TMC1: variants seen among roughly 807,000 people sequenced by gnomAD.
The protein encoded by TMC1 is transmembrane channel-like protein 1.
In TMC1, 84 loss-of-function variants were observed where a neutral mutation model predicts 105.8. The observed-to-expected ratio is 0.79, with a 90% confidence interval of 0.67 to 0.95. The LOEUF (loss-of-function observed/expected upper bound fraction) is 0.95, where lower values mean the gene tolerates loss of function less well. TMC1 is among the 40% of genes least tolerant of loss of function. The pLI, the probability that TMC1 is intolerant of heterozygous loss-of-function variation, is 0.00. For synonymous variants in TMC1, 315 were observed against 311.5 expected (o/e 1.01, Z -0.12); for missense variants, 817 against 914.1 (o/e 0.89, Z 1.37).
At chr9:72,584,628 T>C (rs994158616) in intron 2 of TMC1, among the ~76,000 whole-genome samples, 2 of 151,846 alleles carry the variant, frequency 1.3e-5, no homozygotes, top group Non-Finnish European at 2.9e-5. Flanking sequence ...TAATAAACAA[T>C]AGATTATCAT....
At chr9:72,781,135 A>G (rs1828088376) in intron 13 of TMC1, among the ~76,000 whole-genome samples, 1 of 152,240 alleles carries the variant, frequency 6.6e-6, no homozygotes, top group South Asian at 2.1e-4. Context: ...ATCACAGTGC[A>G]ATAAAAATAG....
rs367595970 is a variant in TMC1, at chr9:72,697,922, GCTAT to G, written c.237-2591_237-2588del. On this transcript the variant is annotated intron_variant, in intron 7 of 23. Transcript: ENST00000297784. ...TTTCTGAAAATATTTCAATAAAACT[GCTAT>G]CTATGTAATTTAAAGTTATTCCTAT... Among the ~76,000 whole-genome samples, 6 of 151,952 alleles carry G rather than the reference GCTAT, an allele frequency of 3.9e-5. No individual in the cohort carries two copies. In the East Asian group the frequency reaches 1.2e-3, roughly 29 times the overall value.
At chr9:72,831,843 G>T (rs551634602) in intron 23 of TMC1, among the ~76,000 whole-genome samples, 75 of 152,040 alleles carry the variant, frequency 4.9e-4, no homozygotes, top group Middle Eastern at 6.8e-3. Flanking sequence ...ATCATTGTTG[G>T]ACATTTGGGT....
At chr9:72,672,680 A>G (rs1826141291) in intron 5 of TMC1, among the ~76,000 whole-genome samples, 1 of 152,126 alleles carries the variant, frequency 6.6e-6, no homozygotes, top group Non-Finnish European at 1.5e-5. Context: ...AGACAAAAAT[A>G]TCAGTAAGGA....
intron 3 of TMC1, among the ~76,000 whole-genome samples, chr9:72,621,001 G>A (rs544022159): frequency 1.3e-5 from 2 of 152,316 alleles, no homozygotes; most frequent in East Asian, 3.9e-4. Flanking sequence ...ATTGACGTCA[G>A]TCTACTTGGC....
intron 1 of TMC1, among the ~76,000 whole-genome samples, chr9:72,549,503 C>T (rs771389178): frequency 1.3e-5 from 2 of 151,870 alleles, no homozygotes; most frequent in African/African-American, 2.4e-5. Context: ...AGTGCATTGG[C>T]GCGATCTCCA....
intron 4 of TMC1, among the ~76,000 whole-genome samples, chr9:72,632,316 A>G (rs1488652956): frequency 6.6e-6 from 1 of 152,170 alleles, no homozygotes; most frequent in East Asian, 1.9e-4. Flanking sequence ...ATCTGACCCC[A>G]TGACCCAAAC....
chr9:72,598,974 G>A (rs1367799390), intron 2 of TMC1, among the ~76,000 whole-genome samples: 1 of 152,166 alleles, frequency 6.6e-6, no homozygotes, highest in Non-Finnish European at 1.5e-5. Flanking sequence ...GAATTTGTAG[G>A]AAAGGCTTGG....
intron 8 of TMC1, among the ~76,000 whole-genome samples, chr9:72,714,287 G>A (rs1024302919): frequency 2.0e-5 from 3 of 152,032 alleles, no homozygotes; most frequent in African/African-American, 7.2e-5. Flanking sequence ...GGTCTGCTTG[G>A]CCCAGAGCTA....
At chr9:72,559,252 G>A (rs917463971) in intron 1 of TMC1, among the ~76,000 whole-genome samples, 2 of 151,986 alleles carry the variant, frequency 1.3e-5, no homozygotes, top group African/African-American at 4.8e-5. Flanking sequence ...GCTCCACCAG[G>A]CCTCACTAAT....
intron 5 of TMC1, among the ~76,000 whole-genome samples, chr9:72,670,776 C>T (rs1218201271): frequency 2.0e-5 from 3 of 152,120 alleles, no homozygotes; most frequent in South Asian, 2.1e-4. Flanking sequence ...AGATGGGATT[C>T]GCAGCAGATT....
intron 12 of TMC1, among the ~76,000 whole-genome samples, chr9:72,769,792 GA>G (rs1447478242): frequency 6.6e-6 from 1 of 152,192 alleles, no homozygotes; most frequent in Non-Finnish European, 1.5e-5. Context: ...CTGTGGCAAG[GA>G]AATAGGGCAA....
At chr9:72,668,589 T>C (rs1340344386) in intron 5 of TMC1, among the ~76,000 whole-genome samples, 1 of 152,240 alleles carries the variant, frequency 6.6e-6, no homozygotes, top group South Asian at 2.1e-4. Context: ...GTTAATTAAC[T>C]AGAACCCTTT....
At chr9:72,693,073 CTG>C (rs1826492941) in intron 6 of TMC1, among the ~76,000 whole-genome samples, 1 of 149,582 alleles carries the variant, frequency 6.7e-6, no homozygotes, top group South Asian at 2.1e-4. Context: ...TGAGCCGAGA[CTG>C]TGCTATTGTA....
Position 72,727,678 on chromosome 9 carries a change from G to T in TMC1, c.363-12441G>T, listed in dbSNP as rs116883791. Among the ~76,000 whole-genome samples, 127 of 152,184 alleles carry T rather than the reference G, an allele frequency of 8.3e-4. No homozygotes were observed. The East Asian group carries it at 9.7e-3, about 12-fold the overall frequency. The stretch of plus-strand genomic sequence containing the variant: ...GTTTCCTTCTTATTCTTGGGCTGGT[G>T]ATTTTAAGATTCATTTGTGTGTTTT... On this transcript the variant is annotated intron_variant, in intron 8 of 23. Transcript: ENST00000297784.
chr9:72,757,309 A>G (rs1000989398), intron 12 of TMC1, among the ~76,000 whole-genome samples: 2 of 152,182 alleles, frequency 1.3e-5, no homozygotes, highest in African/African-American at 4.8e-5. Context: ...AACCCACTTC[A>G]TGGTGGGTAT....
chr9:72,531,924 C>A (rs1823503484), intron 1 of TMC1, among the ~76,000 whole-genome samples: 1 of 152,036 alleles, frequency 6.6e-6, no homozygotes, highest in African/African-American at 2.4e-5. Context: ...CTAAGATTTT[C>A]ATCTTTTATT....
At chr9:72,619,678 TTAA>T (rs1298645674) in intron 3 of TMC1, among the ~76,000 whole-genome samples, 1 of 151,688 alleles carries the variant, frequency 6.6e-6, no homozygotes, top group African/African-American at 2.4e-5. Flanking sequence ...AAATTAAAAA[TTAA>T]TATATTTTAT....
chr9:72,543,647 G>T (rs867899299), intron 1 of TMC1, among the ~76,000 whole-genome samples: 1 of 152,178 alleles, frequency 6.6e-6, no homozygotes, highest in Non-Finnish European at 1.5e-5. Flanking sequence ...GCTGGGCATG[G>T]TGGTGGGTGC....
Sources: allele counts gnomAD v4.1 joint callset (sites outside exome capture counted in the v4.1 genomes callset), GRCh38; gene constraint gnomAD v4.1.1; transcripts MANE v1.5; gene names NCBI Gene and HGNC (gene_info 2026-07-23, HGNC 2026-07-21).